Variants in GRIP1 observed in about 807,000 individuals in gnomAD.
GRIP1 encodes the protein glutamate receptor interacting protein 1.
A neutral mutation model predicts 129.9 loss-of-function variants in GRIP1; 45 were observed. The ratio of observed to expected loss-of-function variants is 0.35; its 90% CI spans 0.27 to 0.44. The LOEUF (loss-of-function observed/expected upper bound fraction) is 0.44, where lower values mean the gene tolerates loss of function less well. GRIP1 is among the 20% of genes least tolerant of loss of function. The probability of loss-of-function intolerance (pLI) is 1.00; values close to 1 mark genes in which losing one functional copy is unlikely to be tolerated. For missense variants in GRIP1, 1,196 were observed against 1,396.8 expected, an observed-to-expected ratio of 0.86 and a Z score of 2.29; for synonymous variants, 530 against 520.8, an observed-to-expected ratio of 1.02 and a Z score of -0.24.
At chr12:66,443,426 A>AT (rs200330917) in intron 13 of GRIP1, among the ~76,000 whole-genome samples, 35 of 147,476 alleles carry the variant, frequency 2.4e-4, no homozygotes, top group East Asian at 1.6e-3. Context: ...CCCTACCGCA[A>AT]TATTTTTTTT....
chr12:66,427,267 G>A (rs1017942426), intron 14 of GRIP1, among the ~76,000 whole-genome samples: 1 of 151,914 alleles, frequency 6.6e-6, no homozygotes, highest in Non-Finnish European at 1.5e-5. Context: ...GTCCTTATGA[G>A]TTTTTGCCCT....
intron 1 of GRIP1, among the ~76,000 whole-genome samples, chr12:66,722,162 C>T (rs1376143395): frequency 6.6e-6 from 1 of 152,118 alleles, no homozygotes; most frequent in African/African-American, 2.4e-5. Flanking sequence ...AACTATTTGG[C>T]GAAAGAGACC....
chr12:66,445,588 C>T, intron 11 of GRIP1, 80 bp from the exon 12 acceptor site: 1 of 1,012,820 alleles, frequency 9.9e-7, no homozygotes, highest in Non-Finnish European at 1.5e-6. Flanking sequence ...TAGATCATGT[C>T]TCTGCATAAA....
intron 1 of GRIP1, among the ~76,000 whole-genome samples, chr12:66,698,365 T>C (rs981821348): frequency 2.0e-5 from 3 of 152,182 alleles, no homozygotes; most frequent in Admixed American, 6.5e-5. Context: ...CAGGACGCCT[T>C]GTGTTTTTAA....
intron 1 of GRIP1, among the ~76,000 whole-genome samples, chr12:66,825,458 T>TC (rs112806405): frequency 0.16 from 24,562 of 152,150 alleles, 2,134 homozygotes; most frequent in East Asian, 0.37. Context: ...TATGCCTTCA[T>TC]CTTATCCTTA....
intron 2 of GRIP1, among the ~76,000 whole-genome samples, chr12:66,561,880 G>A (rs1042564244): frequency 6.6e-6 from 1 of 152,132 alleles, no homozygotes; most frequent in African/African-American, 2.4e-5. Context: ...GATTGCTTGA[G>A]CTAAGCAGTT....
chr12:66,810,956 T>C (rs1440079975), intron 1 of GRIP1, among the ~76,000 whole-genome samples: 2 of 152,184 alleles, frequency 1.3e-5, no homozygotes, highest in East Asian at 1.9e-4. Context: ...CGACCCTCCA[T>C]TGGCTACAAG....
chr12:66,554,504 G>A (rs957230638), intron 2 of GRIP1, among the ~76,000 whole-genome samples: 6 of 151,978 alleles, frequency 3.9e-5, no homozygotes, highest in Non-Finnish European at 7.4e-5. Flanking sequence ...CTCTGCTTGA[G>A]AAAAACAGAG....
intron 1 of GRIP1, among the ~76,000 whole-genome samples, chr12:66,809,653 A>G (rs2039065325): frequency 6.6e-6 from 1 of 151,056 alleles, no homozygotes; most frequent in Non-Finnish European, 1.5e-5. Context: ...TAATTTAAAC[A>G]CAAAATGTCT....
chr12:67,036,118 T>C (rs966327851), intron 1 of GRIP1, among the ~76,000 whole-genome samples: 2 of 152,178 alleles, frequency 1.3e-5, no homozygotes, highest in African/African-American at 2.4e-5. Context: ...TGTTTCACCA[T>C]TGCAACCAGA....
intron 19 of GRIP1, among the ~76,000 whole-genome samples, chr12:66,383,471 C>T (rs1412180974): frequency 6.6e-6 from 1 of 152,138 alleles, no homozygotes; most frequent in African/African-American, 2.4e-5. Context: ...ATATTCTGGG[C>T]CCTCTTACCA....
chr12:66,745,564 A>G lies in GRIP1; in HGVS notation c.-420+58489T>C, dbSNP rs188323975. Among the ~76,000 whole-genome samples the G allele has an allele frequency of 3.5e-4, 54 of 152,326 alleles. No homozygotes were observed. In the East Asian group the frequency reaches 6.8e-3, roughly 19 times the overall value. ...AAATACACGCATGAAAGACTACAATAGAAGATAAATGCTGTAGGAGAATTA... is the reference window on the plus strand; with the variant it reads ...AAATACACGCATGAAAGACTACAATGGAAGATAAATGCTGTAGGAGAATTA... On this transcript the variant is annotated intron_variant, in intron 1 of 4. Transcript: ENST00000538373.
intron 1 of GRIP1, among the ~76,000 whole-genome samples, chr12:66,741,929 T>G (rs907405345): frequency 6.6e-6 from 1 of 152,180 alleles, no homozygotes; most frequent in African/African-American, 2.4e-5. Flanking sequence ...GCACTGTTTC[T>G]TTTCATTGCT....
At chr12:66,620,122 G>C (rs749295177) in intron 1 of GRIP1, among the ~76,000 whole-genome samples, 6 of 152,200 alleles carry the variant, frequency 3.9e-5, no homozygotes, top group Non-Finnish European at 8.8e-5. Context: ...TAGTGGAGCA[G>C]AGATTCAAAC....
At chr12:66,530,255 C>T (rs986000055) in intron 4 of GRIP1, among the ~76,000 whole-genome samples, 2 of 152,128 alleles carry the variant, frequency 1.3e-5, no homozygotes, top group Non-Finnish European at 2.9e-5. Context: ...GAATTGTTTT[C>T]CTTTTGTAAA....
intron 1 of GRIP1, among the ~76,000 whole-genome samples, chr12:67,021,304 C>A (rs891263420): frequency 1.3e-5 from 2 of 152,036 alleles, no homozygotes; most frequent in Admixed American, 6.6e-5. Context: ...TTCTTCCTGT[C>A]CCCCAACAAC....
intron 1 of GRIP1, among the ~76,000 whole-genome samples, chr12:66,883,584 A>G (rs930569298): frequency 6.6e-6 from 1 of 152,132 alleles, no homozygotes; most frequent in African/African-American, 2.4e-5. Flanking sequence ...AGGACCTAAA[A>G]AGGACCCCCA....
At chr12:66,813,680 G>A (rs2039149448) in intron 1 of GRIP1, among the ~76,000 whole-genome samples, 1 of 152,152 alleles carries the variant, frequency 6.6e-6, no homozygotes, top group African/African-American at 2.4e-5. Flanking sequence ...CAGGAAGGAT[G>A]ACAATACTGA....
chr12:66,489,314 G>A (rs898955803), intron 7 of GRIP1, among the ~76,000 whole-genome samples: 15 of 152,116 alleles, frequency 9.9e-5, no homozygotes, highest in Non-Finnish European at 1.5e-4. Context: ...TGCAAGGTTG[G>A]TTTAACATAT....
Sources: gnomAD v4.1 joint callset for allele counts (sites outside exome capture counted in the v4.1 genomes callset) on GRCh38, gnomAD v4.1.1 for gene constraint, MANE v1.5 for transcripts, NCBI Gene and HGNC (gene_info 2026-07-23, HGNC 2026-07-21) for gene names.